The following DLG2 variants were observed in gnomAD, a reference collection of about 807,000 sequenced individuals.
DLG2 encodes disks large homolog 2.
DLG2 carries 45 observed loss-of-function variants against 132.5 expected under a neutral mutation model. The observed-to-expected ratio is 0.34, with a 90% CI of 0.27 to 0.44. The LOEUF (loss-of-function observed/expected upper bound fraction) is 0.44, where lower values mean the gene tolerates loss of function less well. DLG2 is among the 20% of genes least tolerant of loss of function. The pLI is 1.00. For synonymous variants in DLG2, 424 were observed against 419.6 expected (o/e 1.01, Z -0.13); for missense variants, 1,045 against 1,196.9 (o/e 0.87, Z 1.87).
At chr11:84,522,429 A>G (rs2099306515) in intron 7 of DLG2, among the ~76,000 whole-genome samples, 1 of 152,156 alleles carries the variant, frequency 6.6e-6, no homozygotes, top group South Asian at 2.1e-4. Context: ...AAGGAACTTC[A>G]GTAACTGTCT....
chr11:85,222,764 T>C (rs1380997686), intron 4 of DLG2, among the ~76,000 whole-genome samples: 3 of 152,230 alleles, frequency 2.0e-5, no homozygotes, highest in African/African-American at 7.2e-5. Context: ...CCTTGCTGAA[T>C]TGCAGCTTTC....
At chr11:83,724,474 T>A (rs368948951) in intron 18 of DLG2, among the ~76,000 whole-genome samples, 1,254 of 103,110 alleles carry the variant, frequency 0.012, 8 homozygotes, top group Middle Eastern at 0.035. Context: ...TGTGTGTGTG[T>A]GTGAGAGAGA....
Position 84,304,887 on chromosome 11 carries a change from AT to A in DLG2, c.520-53597del, listed in dbSNP as rs777019511. On this transcript the variant is annotated intron_variant, in intron 7 of 27. Transcript: ENST00000376104. ...ATAATGGTATACAAAACAATATTGA[AT>A]ATCTCAACAAATGGTTCCATTCTAT... is the stretch of plus-strand genomic sequence containing the variant. Among the ~76,000 whole-genome samples the A allele has an allele frequency of 1.0e-3, 158 of 152,324 alleles. 1 individual carries two copies. The highest frequency in any genetic ancestry group is 7.2e-4 in the Admixed American group (11 of 15,306).
In DLG2 at chr11:83,986,251, T is replaced by A. The variant is rs2093298939; in HGVS notation, c.920-5609A>T. On this transcript the variant is annotated intron_variant, in intron 11 of 27. Transcript: ENST00000376104. ...CAGTCCCCAGAGTGTGATGTTCCCCTTCCTGTGTCCATGTGTTCTCATTGT... is the reference window on the plus strand; with the variant it reads ...CAGTCCCCAGAGTGTGATGTTCCCCATCCTGTGTCCATGTGTTCTCATTGT... Among the ~76,000 whole-genome samples, 6 of 143,256 alleles carry A rather than the reference T, an allele frequency of 4.2e-5. No individual in the cohort carries two copies. The South Asian group carries it at 1.4e-3, about 33-fold the overall frequency. 94.0% of individuals were successfully genotyped at this position (143,256 alleles called of 152,430 possible). A position where few individuals can be genotyped will look rare whatever the true frequency, so the allele number is the denominator to read the frequency against.
intron 3 of DLG2, among the ~76,000 whole-genome samples, chr11:85,589,274 T>C (rs1330264281): frequency 6.6e-6 from 1 of 152,176 alleles, no homozygotes; most frequent in Non-Finnish European, 1.5e-5. Flanking sequence ...TGTCATTGAG[T>C]TGCTGCAACG....
chr11:84,613,203 A>C (rs1593779870), intron 6 of DLG2, among the ~76,000 whole-genome samples: 1 of 152,176 alleles, frequency 6.6e-6, no homozygotes, highest in Non-Finnish European at 1.5e-5. Context: ...AATGTTCAGG[A>C]AAACCAAATC....
chr11:84,820,164 C>T (rs2153982271), intron 6 of DLG2, among the ~76,000 whole-genome samples: 1 of 151,776 alleles, frequency 6.6e-6, no homozygotes, highest in East Asian at 2.0e-4. Context: ...ACCAGCAGGA[C>T]TCCCTTCTTC....
At chr11:83,626,528 C>T (rs1296675412) in intron 19 of DLG2, among the ~76,000 whole-genome samples, 1 of 152,176 alleles carries the variant, frequency 6.6e-6, no homozygotes, top group African/African-American at 2.4e-5. Flanking sequence ...AAGAAGCTGA[C>T]CTGAGTGCGT....
intron 10 of DLG2, among the ~76,000 whole-genome samples, chr11:84,081,804 C>G (rs991433759): frequency 2.2e-4 from 34 of 152,178 alleles, no homozygotes; most frequent in African/African-American, 7.7e-4. Flanking sequence ...TTTATAGTAG[C>G]ATGATTTATA....
At chr11:83,598,885 G>A (rs963739747) in intron 19 of DLG2, among the ~76,000 whole-genome samples, 2 of 152,152 alleles carry the variant, frequency 1.3e-5, no homozygotes, top group African/African-American at 4.8e-5. Flanking sequence ...GGCTACTGAG[G>A]TGTATAAAGC....
At chr11:85,519,886 C>A (rs1023651416) in intron 3 of DLG2, among the ~76,000 whole-genome samples, 15 of 152,222 alleles carry the variant, frequency 9.9e-5, no homozygotes, top group Non-Finnish European at 1.8e-4. Flanking sequence ...TCTTGTCTGC[C>A]ACCATGTGAA....
chr11:85,191,643 G>C (rs2080584733), intron 4 of DLG2, among the ~76,000 whole-genome samples: 1 of 152,122 alleles, frequency 6.6e-6, no homozygotes, highest in Non-Finnish European at 1.5e-5. Flanking sequence ...CTTCAAAGAG[G>C]CTTTCTTGCT....
chr11:83,776,687 T>C (rs1384313735), intron 18 of DLG2, among the ~76,000 whole-genome samples: 1 of 152,198 alleles, frequency 6.6e-6, no homozygotes, highest in Non-Finnish European at 1.5e-5. Flanking sequence ...CATTCCCTGG[T>C]TTGCTTTCAG....
At chr11:83,622,196 G>A (rs1313603212) in intron 19 of DLG2, among the ~76,000 whole-genome samples, 1 of 152,192 alleles carries the variant, frequency 6.6e-6, no homozygotes, top group East Asian at 1.9e-4. Flanking sequence ...CCAAAGTGCT[G>A]CGATTACAGG....
At position 83,469,263 on chromosome 11, in the gene DLG2, C is replaced by T; in HGVS notation, c.2557G>A (p.Gly853Ser). The T allele has an allele frequency of 6.2e-7, 1 of 1,613,744 alleles. No homozygotes were observed. Among genetic ancestry groups the T allele is most frequent in the Non-Finnish European group, 8.5e-7 (1 of 1,179,794 alleles). ...CCATATAAATTGTCATTGTACTGGCCGGCTTCTATAAACTTGTGCTCTTGG... is the reference window on the plus strand; with the variant it reads ...CCATATAAATTGTCATTGTACTGGCTGGCTTCTATAAACTTGTGCTCTTGG... ...DIQEHKFIEA[G>S]QYNDNLYGTS... Residue 853 changes from glycine (G) to serine (S), a missense_variant, in exon 25 of 28, where the codon GGC (glycine) becomes AGC (serine). Around this residue, in one of 4 missense-constraint regions of DLG2, gnomAD observed 398 missense variants for 543.6 expected, o/e 0.73. Coordinates refer to ENST00000376104, the MANE Select transcript of DLG2 (RefSeq NM_001142699.3).
chr11:84,591,314 G>A (rs1386407803), intron 6 of DLG2, among the ~76,000 whole-genome samples: 1 of 129,350 alleles, frequency 7.7e-6, no homozygotes, highest in African/African-American at 2.8e-5. Flanking sequence ...ACCATGCCTT[G>A]TTTTTTTTTT....
At chr11:83,578,605 T>C (rs1179393889) in intron 19 of DLG2, among the ~76,000 whole-genome samples, 1 of 152,088 alleles carries the variant, frequency 6.6e-6, no homozygotes, top group African/African-American at 2.4e-5. Flanking sequence ...CAAAAGAAAG[T>C]TGGAATGACT....
intron 6 of DLG2, chr11:85,021,265 A>G: frequency 7.9e-7 from 1 of 1,271,462 alleles, no homozygotes; most frequent in Non-Finnish European, 1.1e-6. Context: ...AGGAGGAGGT[A>G]CACGTGCTGG....
intron 10 of DLG2, among the ~76,000 whole-genome samples, chr11:84,082,141 T>C (rs575656881): frequency 6.6e-5 from 10 of 152,322 alleles, no homozygotes; most frequent in Admixed American, 5.2e-4. Context: ...CCTGCCTTTT[T>C]CATTTAATAC....
Sources: gnomAD v4.1 joint callset for allele counts (sites outside exome capture counted in the v4.1 genomes callset) on GRCh38, gnomAD v4.1.1 for gene constraint, gnomAD v4.1.1 regional missense constraint, MANE v1.5 for transcripts, NCBI Gene and HGNC (gene_info 2026-07-23, HGNC 2026-07-21) for gene names.